MEIG1: variants seen among roughly 807,000 people sequenced by gnomAD.
The protein encoded by MEIG1 is meiosis/spermiogenesis associated 1.
In MEIG1, 12 loss-of-function variants were observed where a neutral mutation model predicts 11.3. The ratio of observed to expected loss-of-function variants is 1.07; its 90% CI spans 0.68 to 1.73. MEIG1 has a LOEUF of 1.73. Among genes scored for constraint, MEIG1 ranks in the 40% most tolerant of loss-of-function variants. MEIG1 has a pLI of 0.00. For missense variants in MEIG1, 119 were observed against 104.9 expected (o/e 1.13, Z -0.59); for synonymous variants, 41 against 33.2 (o/e 1.24, Z -0.81).
chr10:14,968,993 A>G (rs7089909), intron 2 of MEIG1, among the ~76,000 whole-genome samples: 97,478 of 151,956 alleles, frequency 0.64, 31,575 homozygotes, highest in Admixed American at 0.68. Context: ...CAGGAGAATC[A>G]CTTGAAACCA....
downstream of MEIG1, among the ~76,000 whole-genome samples, chr10:14,973,990 G>A (rs1843180617): frequency 6.6e-6 from 1 of 152,146 alleles, no homozygotes; most frequent in Non-Finnish European, 1.5e-5. Flanking sequence ...ATCAAAGGGA[G>A]TATACATATG....
chr10:14,968,883 A>G (rs1441086231), intron 2 of MEIG1, among the ~76,000 whole-genome samples: 1 of 152,094 alleles, frequency 6.6e-6, no homozygotes, highest in African/African-American at 2.4e-5. Flanking sequence ...GTTTGAGACC[A>G]GCCTGACCAA....
chr10:14,986,800 G>A (rs529478208), exon 2 of MEIG1: 6 of 349,142 alleles, frequency 1.7e-5, no homozygotes, highest in Non-Finnish European at 2.8e-5. Flanking sequence ...CCGTAGAGAC[G>A]GGGTTTCACC....
At chr10:14,960,479 C>G (rs1281734329) in intron 1 of MEIG1, among the ~76,000 whole-genome samples, 1 of 151,964 alleles carries the variant, frequency 6.6e-6, no homozygotes, top group Non-Finnish European at 1.5e-5. Context: ...AGTGCAGTGG[C>G]GGGATCTCGG....
At chr10:14,955,000 C>G (rs1211881428), upstream of MEIG1, among the ~76,000 whole-genome samples, 1 of 152,138 alleles carries the variant, frequency 6.6e-6, no homozygotes, top group Non-Finnish European at 1.5e-5. Flanking sequence ...GGCGTGATTT[C>G]GGCTCTCTGC....
chr10:14,979,717 G>A (rs1199405517), intron 1 of MEIG1, among the ~76,000 whole-genome samples: 1 of 151,886 alleles, frequency 6.6e-6, no homozygotes, highest in Non-Finnish European at 1.5e-5. Flanking sequence ...CATAGGGTGT[G>A]TACACCCCTT....
chr10:14,972,546 A>G lies in MEIG1; in HGVS notation c.172A>G (p.Lys58Glu). The stretch of plus-strand genomic sequence containing the variant: ...TTGGCCGGAGACAGGATATGTGAAG[A>G]AACTTCAGAGAAGGGACAATACGTT... ...DRWPETGYVK[K>E]LQRRDNTFYY... Residue 58 changes from lysine (K) to glutamate (E), a missense_variant, in exon 3 of 3, where the codon AAA (lysine) becomes GAA (glutamate). Transcript: ENST00000407572. 1 of 1,614,166 alleles carries G rather than the reference A, an allele frequency of 6.2e-7. No individual in the cohort carries two copies. The highest frequency in any genetic ancestry group is 8.5e-7 in the Non-Finnish European group (1 of 1,179,996).
rs28505172 is a variant in MEIG1 at position 14,985,984 on chromosome 10, G to A, written n.67-812G>A. On this transcript the variant is annotated intron_variant and non_coding_transcript_variant, in intron 1 of 2. Transcript: ENST00000467536. ...TCATATCACACAGTGTGCACACCCT[G>A]TGATATTTTTCATCATACTTTAGGG... 5.3e-3 allele frequency among the ~76,000 whole-genome samples: 806 copies of A among 152,094 alleles called. 9 individuals carry two copies. The highest frequency in any genetic ancestry group is 0.019 in the African/African-American group (775 of 41,472).
chr10:14,959,323 GGC>G (rs1842983395), upstream of MEIG1: 1 of 152,354 alleles, frequency 6.6e-6, no homozygotes, highest in Non-Finnish European at 1.5e-5. Flanking sequence ...CACTCCCGGG[GGC>G]GGGGCCTGAG....
chr10:14,982,538 G>T (rs1006427585), intron 1 of MEIG1, among the ~76,000 whole-genome samples: 2 of 152,054 alleles, frequency 1.3e-5, no homozygotes, highest in East Asian at 1.9e-4. Flanking sequence ...CTGGGACGGG[G>T]TATTGTTTTC....
intron 2 of MEIG1, among the ~76,000 whole-genome samples, chr10:14,970,987 C>T (rs1843141701): frequency 6.6e-6 from 1 of 152,030 alleles, no homozygotes; most frequent in African/African-American, 2.4e-5. Context: ...AATACATTAA[C>T]CTGGCCAGGA....
upstream of MEIG1, among the ~76,000 whole-genome samples, chr10:14,957,410 C>T (rs1215759222): frequency 4.6e-5 from 7 of 152,180 alleles, no homozygotes; most frequent in African/African-American, 1.7e-4. Context: ...ATGAAATATA[C>T]TGATTCAAAA....
downstream of MEIG1, among the ~76,000 whole-genome samples, chr10:14,974,924 A>T (rs1435065747): frequency 2.6e-5 from 4 of 152,172 alleles, no homozygotes; most frequent in East Asian, 7.7e-4. Context: ...ATGAATTAAT[A>T]CTAATAGTAC....
At chr10:14,987,976 T>C (rs1357230347) in exon 3 of MEIG1, 5 of 152,732 alleles carry the variant, frequency 3.3e-5, no homozygotes, top group Admixed American at 1.3e-4. Flanking sequence ...CACATACCTG[T>C]TACTTTTCAT....
intron 2 of MEIG1, among the ~76,000 whole-genome samples, chr10:14,968,708 A>G (rs535754352): frequency 2.0e-5 from 3 of 152,170 alleles, no homozygotes; most frequent in Non-Finnish European, 4.4e-5. Context: ...CCCATTGCCA[A>G]GGATAATTTT....
At position 14,980,124 on chromosome 10, in the gene MEIG1, A is replaced by G. The variant is rs562774833; in HGVS notation, n.67-6672A>G. ...CCATGCCTGTTCACCTTGTGATATT[A>G]TTCGTAATATCCTAAGGGGATGTTA... On this transcript the variant is annotated intron_variant and non_coding_transcript_variant, in intron 1 of 2. Coordinates refer to the MEIG1 transcript ENST00000467536. Among the ~76,000 whole-genome samples, 5 of 152,182 alleles carry G rather than the reference A, an allele frequency of 3.3e-5. No homozygotes were observed. The South Asian group carries it at 8.3e-4, about 25-fold the overall frequency.
chr10:14,958,244 A>C (rs965800540), upstream of MEIG1, among the ~76,000 whole-genome samples: 2 of 151,190 alleles, frequency 1.3e-5, no homozygotes, highest in East Asian at 3.9e-4. Flanking sequence ...TTGATATACA[A>C]ATCTAAAGTT....
chr10:14,955,673 G>A (rs2131250058), upstream of MEIG1, among the ~76,000 whole-genome samples: 1 of 152,270 alleles, frequency 6.6e-6, no homozygotes, highest in South Asian at 2.1e-4. Flanking sequence ...ACTCCAGCCT[G>A]GGCAACAGAG....
At chr10:14,963,724 G>A (rs7897495) in intron 1 of MEIG1, among the ~76,000 whole-genome samples, 97,323 of 151,882 alleles carry the variant, frequency 0.64, 31,472 homozygotes, top group Non-Finnish European at 0.68. Flanking sequence ...CAGCACTTTG[G>A]GAGGCCGAGG....
Sources: allele counts gnomAD v4.1 joint callset (sites outside exome capture counted in the v4.1 genomes callset), GRCh38; gene constraint gnomAD v4.1.1; transcripts MANE v1.5; gene names NCBI Gene and HGNC (gene_info 2026-07-23, HGNC 2026-07-21).